B3GALT1: variants seen among roughly 807,000 people sequenced by gnomAD.
The protein encoded by B3GALT1 is UDP-Gal:betaGlcNAc beta 1,3-galactosyltransferase, polypeptide 1.
B3GALT1 carries 10 observed loss-of-function variants against 23.2 expected under a neutral mutation model. The observed-to-expected ratio is 0.43, with a 90% confidence interval of 0.27 to 0.73. The LOEUF (loss-of-function observed/expected upper bound fraction) is 0.73. Ranked by LOEUF, B3GALT1 falls within the 30% of genes least tolerant of loss-of-function variation. The pLI, the probability that B3GALT1 is intolerant of heterozygous loss-of-function variation, is 0.21. For synonymous variants in B3GALT1, 156 were observed against 141.5 expected, an observed-to-expected ratio of 1.10 and a Z score of -0.73; for missense variants, 299 against 405.4, an observed-to-expected ratio of 0.74 and a Z score of 2.25.
intron 2 of B3GALT1, among the ~76,000 whole-genome samples, chr2:167,504,880 A>G (rs1197097299): frequency 1.3e-5 from 2 of 152,200 alleles, no homozygotes; most frequent in Admixed American, 1.3e-4. Context: ...AGGTCTATGC[A>G]AGTACACTCT....
intron 2 of B3GALT1, among the ~76,000 whole-genome samples, chr2:167,606,029 C>T (rs897760018): frequency 1.3e-5 from 2 of 152,176 alleles, no homozygotes; most frequent in South Asian, 2.1e-4. Flanking sequence ...CTCCCTGCCC[C>T]ATTCCTGTCA....
intron 4 of B3GALT1, among the ~76,000 whole-genome samples, chr2:167,851,877 G>A (rs1689908735): frequency 6.6e-6 from 1 of 152,172 alleles, no homozygotes; most frequent in Admixed American, 6.5e-5. Flanking sequence ...GCACATTATT[G>A]CTGTTGTGCA....
intron 3 of B3GALT1, among the ~76,000 whole-genome samples, chr2:167,655,588 T>G (rs113902380): frequency 1.3e-5 from 2 of 152,150 alleles, no homozygotes; most frequent in African/African-American, 2.4e-5. Context: ...AAATTTACTT[T>G]CAGATGGAAC....
chr2:167,598,168 A>G (rs1684812265), intron 2 of B3GALT1, among the ~76,000 whole-genome samples: 1 of 152,198 alleles, frequency 6.6e-6, no homozygotes, highest in South Asian at 2.1e-4. Flanking sequence ...TTATTCTGTT[A>G]TTGAAAAATT....
intron 3 of B3GALT1, among the ~76,000 whole-genome samples, chr2:167,650,570 T>C (rs1685844985): frequency 6.6e-6 from 1 of 152,034 alleles, no homozygotes; most frequent in Admixed American, 6.6e-5. Flanking sequence ...TTCCTTCATT[T>C]TTTGGAAAAG....
At chr2:167,547,227 A>G (rs1401023600) in intron 2 of B3GALT1, among the ~76,000 whole-genome samples, 1 of 152,180 alleles carries the variant, frequency 6.6e-6, no homozygotes, top group Non-Finnish European at 1.5e-5. Context: ...AGATCCATAC[A>G]CAATTTATTT....
chr2:167,544,806 C>T (rs116468160), intron 2 of B3GALT1, among the ~76,000 whole-genome samples: 134 of 152,200 alleles, frequency 8.8e-4, no homozygotes, highest in African/African-American at 3.0e-3. Flanking sequence ...ATCTCCCTGT[C>T]GAAGGTCTTT....
At chr2:167,423,055 A>G (rs1486395514) in intron 1 of B3GALT1, among the ~76,000 whole-genome samples, 1 of 152,180 alleles carries the variant, frequency 6.6e-6, no homozygotes, top group African/African-American at 2.4e-5. Context: ...AAGGAGAAAA[A>G]TACAGCATTT....
At chr2:167,693,801 A>G (rs183476425) in intron 3 of B3GALT1, among the ~76,000 whole-genome samples, 95 of 152,030 alleles carry the variant, frequency 6.2e-4, no homozygotes, top group African/African-American at 2.2e-3. Flanking sequence ...ACCATCTCCA[A>G]CCCTCTCAGA....
intron 3 of B3GALT1, chr2:167,715,721 G>T (rs1333771170): frequency 6.2e-7 from 1 of 1,613,102 alleles, no homozygotes; most frequent in Non-Finnish European, 8.5e-7. Context: ...CTCAAAGCTG[G>T]CATCCTCTAA....
At chr2:167,796,544 C>T (rs752248563) in intron 3 of B3GALT1, among the ~76,000 whole-genome samples, 16 of 152,092 alleles carry the variant, frequency 1.1e-4, no homozygotes, top group South Asian at 2.1e-4. Context: ...GACAGGAGTT[C>T]GAGACCAGCC....
At chr2:167,500,521 C>T (rs1190481117) in intron 2 of B3GALT1, among the ~76,000 whole-genome samples, 2 of 152,102 alleles carry the variant, frequency 1.3e-5, no homozygotes, top group African/African-American at 4.8e-5. Context: ...AGTTGGCACT[C>T]CTCTCAGTTT....
chr2:167,746,924 A>G (rs1456787508), intron 3 of B3GALT1, among the ~76,000 whole-genome samples: 3 of 152,194 alleles, frequency 2.0e-5, no homozygotes, highest in Non-Finnish European at 2.9e-5. Flanking sequence ...TATGTATCTA[A>G]TAATATATTG....
At chr2:167,654,180 A>G (rs1332852873) in intron 3 of B3GALT1, among the ~76,000 whole-genome samples, 1 of 152,206 alleles carries the variant, frequency 6.6e-6, no homozygotes, top group Non-Finnish European at 1.5e-5. Flanking sequence ...AAATAATAAG[A>G]GCACTTAATG....
chr2:167,367,949 T>C (rs574382004), intron 1 of B3GALT1, among the ~76,000 whole-genome samples: 1 of 152,338 alleles, frequency 6.6e-6, no homozygotes, highest in South Asian at 2.1e-4. Flanking sequence ...TTCCAATTTA[T>C]TCTTCTACCA....
At chr2:167,300,545 A>C (rs1169342090) in intron 1 of B3GALT1, among the ~76,000 whole-genome samples, 3 of 152,342 alleles carry the variant, frequency 2.0e-5, no homozygotes, top group Non-Finnish European at 4.4e-5. Context: ...AAGTATTTAA[A>C]GGTATTACGA....
At chr2:167,705,313 A>T (rs1686951796) in intron 3 of B3GALT1, among the ~76,000 whole-genome samples, 2 of 152,216 alleles carry the variant, frequency 1.3e-5, no homozygotes, top group African/African-American at 2.4e-5. Flanking sequence ...AGAAAAACTT[A>T]TCTCAGCTTT....
At chr2:167,788,008 A>G (rs1043010722) in intron 3 of B3GALT1, among the ~76,000 whole-genome samples, 41 of 152,152 alleles carry the variant, frequency 2.7e-4, no homozygotes, top group African/African-American at 9.9e-4. Context: ...GTCTTACTTG[A>G]ATGCCTAGAC....
In B3GALT1 at chr2:167,506,700, C is replaced by T. The variant is rs1699923293; in HGVS notation, c.-410+16423C>T. ...GAGACACATTATGCAAATAAATATC[C>T]ACAATATAAGTAGCATGTGGCATAA... On this transcript the variant is annotated intron_variant, in intron 2 of 4. Coordinates refer to ENST00000392690, the MANE Select transcript of B3GALT1 (RefSeq NM_020981.4). Among the ~76,000 whole-genome samples the T allele has an allele frequency of 2.0e-5, 3 of 152,068 alleles. No individual in the cohort carries two copies. The South Asian group carries it at 6.2e-4, about 32-fold the overall frequency.
Sources: gnomAD v4.1 joint callset for allele counts (sites outside exome capture counted in the v4.1 genomes callset) on GRCh38, gnomAD v4.1.1 for gene constraint, MANE v1.5 for transcripts, NCBI Gene and HGNC (gene_info 2026-07-23, HGNC 2026-07-21) for gene names.